USP46: variants seen among roughly 807,000 people sequenced by gnomAD.
The protein encoded by USP46 is ubiquitin carboxyl-terminal hydrolase 46.
Under a neutral mutation model 44.4 loss-of-function variants are expected in USP46, and 12 were observed. That is an observed-to-expected ratio of 0.27 (90% CI 0.17 to 0.44). The LOEUF is 0.44. Ranked by LOEUF, USP46 falls within the 20% of genes least tolerant of loss-of-function variation. The pLI, the probability that USP46 is intolerant of heterozygous loss-of-function variation, is 1.00. For synonymous variants in USP46, 155 were observed against 161.5 expected (o/e 0.96, Z 0.31); for missense variants, 248 against 444.8 (o/e 0.56, Z 3.98).
intron 3 of USP46, among the ~76,000 whole-genome samples, chr4:52,627,524 T>C (rs965721770): frequency 6.6e-6 from 1 of 152,240 alleles, no homozygotes; most frequent in Non-Finnish European, 1.5e-5. Context: ...AGGTATTGTA[T>C]TTAAAACAGC....
chr4:52,621,107 A>C (rs1255993526), intron 4 of USP46, among the ~76,000 whole-genome samples: 2 of 152,242 alleles, frequency 1.3e-5, no homozygotes, highest in African/African-American at 2.4e-5. Flanking sequence ...CAGTTCTATC[A>C]AACATTCAAA....
chr4:52,625,913 C>T (rs1179882050), intron 4 of USP46, 105 bp downstream of exon 4: 1 of 1,117,600 alleles, frequency 8.9e-7, no homozygotes, highest in Non-Finnish European at 1.3e-6. Context: ...TTTACATACA[C>T]TGCAAATAAC....
rs1716070494 is a variant in USP46 at position 52,592,743 on chromosome 4, G to A, written c.*4897C>T. The A allele has an allele frequency of 5.0e-6, 2 of 396,688 alleles. No homozygotes were observed. Among genetic ancestry groups the A allele is most frequent in the Non-Finnish European group, 4.4e-6 (1 of 225,310 alleles). 24.6% of individuals were successfully genotyped at this position (396,688 alleles called of 1,614,324 possible). ...AGTCCCAGCTACTTGGGAGGCTGAG[G>A]CAGAAGAATCGCTTGAACTCGGGAG... On this transcript the variant is annotated 3_prime_UTR_variant, in exon 9 of 9. Coordinates refer to ENST00000441222, the MANE Select transcript of USP46 (RefSeq NM_022832.4).
chr4:52,623,031 G>A (rs553664471), intron 4 of USP46, among the ~76,000 whole-genome samples: 2 of 152,166 alleles, frequency 1.3e-5, no homozygotes, highest in Admixed American at 6.5e-5. Flanking sequence ...ATGGAGGAAG[G>A]CCAGAGGAAA....
At chr4:52,637,915 G>A (rs1357073366) in intron 1 of USP46, among the ~76,000 whole-genome samples, 1 of 151,910 alleles carries the variant, frequency 6.6e-6, no homozygotes, top group African/African-American at 2.4e-5. Context: ...CTCCTTCCCT[G>A]CTTCTTCAGA....
chr4:52,649,106 T>C (rs1718663435), intron 1 of USP46, among the ~76,000 whole-genome samples: 1 of 152,240 alleles, frequency 6.6e-6, no homozygotes, highest in East Asian at 1.9e-4. Flanking sequence ...ATTTGGCCTC[T>C]GCTTTTGCCA....
intron 1 of USP46, among the ~76,000 whole-genome samples, chr4:52,635,364 A>T (rs17051640): frequency 0.13 from 19,255 of 152,244 alleles, 1,221 homozygotes; most frequent in African/African-American, 0.16. Flanking sequence ...ATGGAAAAAA[A>T]GGTCAAACAA....
At chr4:52,598,578 G>A (rs750380409) in intron 8 of USP46, 50 bp downstream of exon 8, 17 of 1,526,596 alleles carry the variant, frequency 1.1e-5, no homozygotes, top group Non-Finnish European at 1.3e-5. Context: ...CACATTCTCC[G>A]AAATACTACT....
At chr4:52,609,492 C>T (rs1716829920) in intron 5 of USP46, among the ~76,000 whole-genome samples, 2 of 152,186 alleles carry the variant, frequency 1.3e-5, no homozygotes, top group African/African-American at 2.4e-5. Context: ...AGAAAGCTAA[C>T]GACTCCACTG....
intron 4 of USP46, 96 bp from the exon 5 acceptor site, chr4:52,610,713 A>ATAACTGCAGGACTT: frequency 8.6e-7 from 1 of 1,162,956 alleles, no homozygotes; most frequent in Non-Finnish European, 1.3e-6. Flanking sequence ...AATAAAAACC[A>ATAACTGCAGGACTT]TAACTGCAGT....
At chr4:52,635,938 G>T (rs189927137) in intron 1 of USP46, among the ~76,000 whole-genome samples, 1 of 152,236 alleles carries the variant, frequency 6.6e-6, no homozygotes, top group African/African-American at 2.4e-5. Flanking sequence ...GGTGTGTAGG[G>T]GTTCACTGTG....
intron 6 of USP46, among the ~76,000 whole-genome samples, chr4:52,602,313 T>C (rs2244291): frequency 0.093 from 14,104 of 152,166 alleles, 856 homozygotes; most frequent in East Asian, 0.21. Flanking sequence ...TTTGTACAAA[T>C]AAAAATAGGC....
At position 52,659,294 on chromosome 4, in the gene USP46, G is replaced by A. The variant is rs1171193530; in HGVS notation, c.-144C>T. The A allele has an allele frequency of 1.2e-5, 9 of 751,122 alleles. No homozygotes were observed. Among genetic ancestry groups the A allele is most frequent in the Non-Finnish European group, 1.7e-5 (9 of 515,808 alleles). The allele number at this position is 751,122 out of a possible 1,614,324, so 46.5% of individuals were successfully genotyped here. A position where few individuals can be genotyped will look rare whatever the true frequency, so the allele number is the denominator to read the frequency against. Reference sequence around the variant, plus strand: ...TCAGTTTGGCTGGGAGAGGGAGGCCGGGAGGAGGAGGCGGCGGCGCGGGGA... The same window carrying A: ...TCAGTTTGGCTGGGAGAGGGAGGCCAGGAGGAGGAGGCGGCGGCGCGGGGA... On this transcript the variant is annotated 5_prime_UTR_variant, in exon 1 of 9. Coordinates refer to ENST00000441222, the MANE Select transcript of USP46 (RefSeq NM_022832.4). The surrounding 1 kb of genome is among the most constrained non-coding windows in gnomAD (Gnocchi z 4.2).
chr4:52,654,790 A>G (rs1456919320), intron 1 of USP46, among the ~76,000 whole-genome samples: 1 of 152,242 alleles, frequency 6.6e-6, no homozygotes, highest in African/African-American at 2.4e-5. Context: ...CTAACATGTC[A>G]TAAGTTCAAT....
chr4:52,653,638 AAAATAATTAG>A (rs1191448466), intron 1 of USP46, among the ~76,000 whole-genome samples: 1 of 152,128 alleles, frequency 6.6e-6, no homozygotes, highest in East Asian at 1.9e-4. Flanking sequence ...AAGCTGCATT[AAAATAATTAG>A]ACCAGAAAAG....
At chr4:52,604,987 G>A (rs7693087) in intron 5 of USP46, among the ~76,000 whole-genome samples, 27,298 of 152,148 alleles carry the variant, frequency 0.18, 3,014 homozygotes, top group African/African-American at 0.32. Flanking sequence ...AAAGTTCACC[G>A]TAAACACTAA....
chr4:52,645,810 G>C (rs924526744), intron 1 of USP46, among the ~76,000 whole-genome samples: 3 of 152,178 alleles, frequency 2.0e-5, no homozygotes, highest in African/African-American at 7.2e-5. Flanking sequence ...CCTGGTGGGA[G>C]GTGATTGGAT....
chr4:52,619,599 T>C (rs948861211), intron 4 of USP46, among the ~76,000 whole-genome samples: 1 of 152,222 alleles, frequency 6.6e-6, no homozygotes, highest in African/African-American at 2.4e-5. Flanking sequence ...TCCCATTTGG[T>C]CTTCTTGCAC....
chr4:52,658,457 C>A (rs1719040272), intron 1 of USP46, among the ~76,000 whole-genome samples: 2 of 152,154 alleles, frequency 1.3e-5, no homozygotes, highest in African/African-American at 4.8e-5. Flanking sequence ...AAGCCCACAG[C>A]CCGCCCCACC....
Sources: gnomAD v4.1 joint callset for allele counts (sites outside exome capture counted in the v4.1 genomes callset) on GRCh38, gnomAD v4.1.1 for gene constraint, Gnocchi (gnomAD v3.1) non-coding constraint, MANE v1.5 for transcripts, NCBI Gene and HGNC (gene_info 2026-07-23, HGNC 2026-07-21) for gene names.